The following SLC39A11 variants were observed in gnomAD, a reference collection of about 807,000 sequenced individuals.
The protein encoded by SLC39A11 is solute carrier family 39 member 11, also known as zinc transporter ZIP11.
Under a neutral mutation model 36.1 loss-of-function variants are expected in SLC39A11, and 33 were observed. That is an observed-to-expected ratio of 0.91 (90% confidence interval 0.69 to 1.22). The LOEUF is 1.22. Ranked by LOEUF, SLC39A11 falls within the 50% of genes most tolerant of loss-of-function variation. The probability of loss-of-function intolerance (pLI) is 0.00; values close to 1 mark genes in which losing one functional copy is unlikely to be tolerated. For missense variants in SLC39A11, 432 were observed against 430.3 expected, an observed-to-expected ratio of 1.00 and a Z score of -0.03; for synonymous variants, 166 against 170.3, an observed-to-expected ratio of 0.97 and a Z score of 0.20.
intron 4 of SLC39A11, among the ~76,000 whole-genome samples, chr17:73,027,771 T>C (rs916937432): frequency 1.3e-5 from 2 of 152,156 alleles, no homozygotes; most frequent in African/African-American, 2.4e-5. Flanking sequence ...GCTCTGACGC[T>C]CCCAGGCATT....
intron 6 of SLC39A11, among the ~76,000 whole-genome samples, chr17:72,824,171 G>A (rs917746418): frequency 1.3e-5 from 2 of 151,140 alleles, no homozygotes; most frequent in Non-Finnish European, 3.0e-5. Flanking sequence ...GGATCATAGG[G>A]TGGACTTCCC....
intron 6 of SLC39A11, 55 bp from the exon 7 acceptor site, chr17:72,736,774 C>A: frequency 7.5e-7 from 1 of 1,338,292 alleles, no homozygotes; most frequent in Non-Finnish European, 1.1e-6. Flanking sequence ...CCATAAGGAA[C>A]ATCACCATCA....
intron 5 of SLC39A11, among the ~76,000 whole-genome samples, chr17:72,874,740 T>C (rs572812570): frequency 6.6e-6 from 1 of 152,218 alleles, no homozygotes; most frequent in African/African-American, 2.4e-5. Flanking sequence ...GAGGAAGTGG[T>C]AGCAATGTTG....
At chr17:72,922,960 C>CAAAAAAAAAAAAAAA (rs10645750) in intron 5 of SLC39A11, among the ~76,000 whole-genome samples, 5 of 44,080 alleles carry the variant, frequency 1.1e-4, no homozygotes, top group African/African-American at 2.2e-4. Flanking sequence ...GACTCCTTCT[C>CAAAAAAAAAAAAAAA]AAAAAAAAAA....
chr17:72,837,793 A>G (rs1303258712), intron 6 of SLC39A11: 3 of 451,710 alleles, frequency 6.6e-6, no homozygotes, highest in African/African-American at 2.0e-5. Flanking sequence ...AGACACAAAA[A>G]CATACATATT....
intron 4 of SLC39A11, among the ~76,000 whole-genome samples, chr17:73,026,530 A>AG (rs1483283592): frequency 5.3e-5 from 8 of 151,426 alleles, no homozygotes; most frequent in African/African-American, 1.9e-4. Context: ...AAAAAAAAAA[A>AG]AAAAGAAAGA....
intron 7 of SLC39A11, among the ~76,000 whole-genome samples, chr17:72,667,810 C>G (rs1323704146): frequency 6.6e-6 from 1 of 152,246 alleles, no homozygotes; most frequent in African/African-American, 2.4e-5. Flanking sequence ...TCATTTTTCT[C>G]TGGCACTTGC....
Position 73,084,813 on chromosome 17 carries a change from C to A in SLC39A11, c.142G>T (p.Ala48Ser), listed in dbSNP as rs770770804. ...RILDGSLGFA[A>S]GVMLAASYWS... ...TCCTACTACATGCTACTTACCCCTGCAGCAAAGCCAAGACTTCCATCTAAG... is the reference window on the plus strand; with the variant it reads ...TCCTACTACATGCTACTTACCCCTGAAGCAAAGCCAAGACTTCCATCTAAG... Residue 48 changes from alanine to serine, a missense_variant, in exon 3 of 10, where the codon GCA becomes TCA. Physicochemically the swap from Ala to Ser is moderately conservative, Grantham distance 99 (BLOSUM62 1). Transcript: ENST00000255559. 1.9e-6 allele frequency: 3 copies of A among 1,613,936 alleles called. No homozygotes were observed. The highest frequency in any genetic ancestry group is 1.3e-5 in the African/African-American group (1 of 74,906).
chr17:72,907,113 C>T (rs1260261020), intron 5 of SLC39A11, among the ~76,000 whole-genome samples: 1 of 152,222 alleles, frequency 6.6e-6, no homozygotes, highest in African/African-American at 2.4e-5. Flanking sequence ...TGAGATATTT[C>T]CTGTGTTTTC....
intron 7 of SLC39A11, among the ~76,000 whole-genome samples, chr17:72,726,573 C>G (rs912867753): frequency 6.6e-6 from 1 of 152,146 alleles, no homozygotes; most frequent in African/African-American, 2.4e-5. Flanking sequence ...GCTGCTTGGA[C>G]AGGTAGACAC....
At chr17:72,877,565 G>A (rs1007182562) in intron 5 of SLC39A11, among the ~76,000 whole-genome samples, 1 of 152,156 alleles carries the variant, frequency 6.6e-6, no homozygotes, top group African/African-American at 2.4e-5. Flanking sequence ...ATTTGCTCAT[G>A]AGAGGTAATC....
chr17:73,058,815 AG>A (rs1211199970), intron 3 of SLC39A11, among the ~76,000 whole-genome samples: 3 of 152,204 alleles, frequency 2.0e-5, no homozygotes, highest in Non-Finnish European at 4.4e-5. Flanking sequence ...AGAACTCAGG[AG>A]GCCTTGCCCT....
chr17:72,905,458 G>A (rs2082610531), intron 5 of SLC39A11, among the ~76,000 whole-genome samples: 2 of 151,906 alleles, frequency 1.3e-5, no homozygotes, highest in African/African-American at 4.8e-5. Flanking sequence ...TTACCCAGGT[G>A]TGGTGGCACA....
intron 7 of SLC39A11, among the ~76,000 whole-genome samples, chr17:72,665,054 C>T (rs1403438377): frequency 2.0e-5 from 3 of 152,186 alleles, no homozygotes; most frequent in African/African-American, 7.2e-5. Flanking sequence ...TCATAAAAGG[C>T]TTGTAGCTTC....
intron 7 of SLC39A11, among the ~76,000 whole-genome samples, chr17:72,689,034 C>G (rs868759753): frequency 1.3e-5 from 2 of 152,276 alleles, no homozygotes; most frequent in Non-Finnish European, 2.9e-5. Flanking sequence ...GAGCAGGTAC[C>G]TGAGGTGGGC....
chr17:73,036,889 T>A (rs2058936213), intron 3 of SLC39A11, among the ~76,000 whole-genome samples: 1 of 152,206 alleles, frequency 6.6e-6, no homozygotes, highest in African/African-American at 2.4e-5. Flanking sequence ...TATTTATTCA[T>A]CCCTCCTTCC....
Position 72,917,121 on chromosome 17 carries a change from T to C in SLC39A11, c.430+30631A>G, listed in dbSNP as rs2083378036. Among the ~76,000 whole-genome samples the C allele has an allele frequency of 2.6e-5, 4 of 152,270 alleles. No individual in the cohort carries two copies. The South Asian group carries it at 8.3e-4, about 32-fold the overall frequency. ...CAGCGGGGGAAGAATAGGTCCACATTCCATTGAGATACCAATGCCAGTTCA... is the reference window on the plus strand; with the variant it reads ...CAGCGGGGGAAGAATAGGTCCACATCCCATTGAGATACCAATGCCAGTTCA... On this transcript the variant is annotated intron_variant, in intron 5 of 9. Coordinates refer to ENST00000255559, the MANE Select transcript of SLC39A11 (RefSeq NM_139177.4).
chr17:72,741,096 G>A (rs967665812), intron 6 of SLC39A11, among the ~76,000 whole-genome samples: 19 of 152,166 alleles, frequency 1.2e-4, no homozygotes, highest in African/African-American at 3.9e-4. Context: ...TTAAGCAGAC[G>A]CCCGCAACAC....
chr17:72,691,394 T>TA lies in SLC39A11; in HGVS notation c.672-42127dup, dbSNP rs149454598. Among the ~76,000 whole-genome samples the TA allele has an allele frequency of 8.2e-3, 1,227 of 149,236 alleles. 21 individuals carry two copies. Among genetic ancestry groups the TA allele is most frequent in the African/African-American group, 0.024 (989 of 40,760 alleles). On this transcript the variant is annotated intron_variant, in intron 7 of 9. Transcript: ENST00000255559. ...CCCTCTGAGATCTATTTCATGTATA[T>TA]AAAAAAAAAATGGTTAGCCAGTGTA... is the stretch of plus-strand genomic sequence containing the variant.
Sources: gnomAD v4.1 joint callset for allele counts (sites outside exome capture counted in the v4.1 genomes callset) on GRCh38, gnomAD v4.1.1 for gene constraint, MANE v1.5 for transcripts, NCBI Gene and HGNC (gene_info 2026-07-23, HGNC 2026-07-21) for gene names.